PTPRD: variants seen among roughly 807,000 people sequenced by gnomAD.
The protein encoded by PTPRD is receptor-type tyrosine-protein phosphatase delta.
A neutral mutation model predicts 214.5 loss-of-function variants in PTPRD; 34 were observed. That is an observed-to-expected ratio of 0.16 (90% CI 0.12 to 0.21). The LOEUF (loss-of-function observed/expected upper bound fraction) is 0.21, where lower values mean the gene tolerates loss of function less well. Ranked by LOEUF, PTPRD falls within the 10% of genes least tolerant of loss-of-function variation. The pLI is 1.00. For synonymous variants in PTPRD, 1,128 were observed against 845.7 expected (o/e 1.33, Z -5.79); for missense variants, 2,545 against 2,398.7 (o/e 1.06, Z -1.27).
intron 2 of PTPRD, among the ~76,000 whole-genome samples, chr9:10,484,706 A>G (rs1279294442): frequency 6.6e-6 from 1 of 151,900 alleles, no homozygotes; most frequent in Non-Finnish European, 1.5e-5. Flanking sequence ...GCTCATTTTT[A>G]GTCAGATTAT....
intron 10 of PTPRD, among the ~76,000 whole-genome samples, chr9:9,065,058 A>G (rs1055637410): frequency 2.0e-5 from 3 of 152,296 alleles, no homozygotes; most frequent in African/African-American, 7.2e-5. Flanking sequence ...TATTTACATG[A>G]AATAGGCATT....
chr9:8,891,275 A>C (rs1409886683), intron 11 of PTPRD, among the ~76,000 whole-genome samples: 1 of 151,578 alleles, frequency 6.6e-6, no homozygotes, highest in African/African-American at 2.4e-5. Context: ...CTGGGACTAC[A>C]GGCACCCGCC....
intron 10 of PTPRD, among the ~76,000 whole-genome samples, chr9:9,098,281 TTTG>T (rs1170065977): frequency 2.0e-5 from 3 of 152,054 alleles, no homozygotes; most frequent in South Asian, 2.1e-4. Flanking sequence ...CAGTATCATT[TTTG>T]TTGTTGTTGT....
chr9:10,575,385 G>C (rs773253696), intron 2 of PTPRD, among the ~76,000 whole-genome samples: 1 of 152,024 alleles, frequency 6.6e-6, no homozygotes, highest in Non-Finnish European at 1.5e-5. Context: ...AAAAAATGAT[G>C]TGTTCTACCT....
chr9:9,848,143 T>C (rs1337433528), intron 5 of PTPRD, among the ~76,000 whole-genome samples: 1 of 152,124 alleles, frequency 6.6e-6, no homozygotes, highest in Non-Finnish European at 1.5e-5. Context: ...CTTCAGAGTT[T>C]TCTATTTTCT....
At chr9:9,092,800 A>C (rs1471626140) in intron 10 of PTPRD, among the ~76,000 whole-genome samples, 1 of 152,078 alleles carries the variant, frequency 6.6e-6, no homozygotes, top group Non-Finnish European at 1.5e-5. Context: ...GAAATTTAGA[A>C]AGACAAATAA....
chr9:9,640,585 T>C (rs1046192309), intron 7 of PTPRD, among the ~76,000 whole-genome samples: 1 of 152,194 alleles, frequency 6.6e-6, no homozygotes, highest in African/African-American at 2.4e-5. Flanking sequence ...TAAATATATG[T>C]TCACATAGAA....
intron 35 of PTPRD, among the ~76,000 whole-genome samples, chr9:8,421,942 G>T (rs1280086447): frequency 2.6e-5 from 4 of 151,512 alleles, no homozygotes; most frequent in Non-Finnish European, 4.4e-5. Context: ...GAGCCCAGTA[G>T]TTCGAGACCA....
intron 9 of PTPRD, among the ~76,000 whole-genome samples, chr9:9,397,113 C>A (rs968597404): frequency 6.6e-6 from 1 of 151,908 alleles, no homozygotes; most frequent in African/African-American, 2.4e-5. Context: ...GGGTATTCTG[C>A]TATCAATCTA....
chr9:10,531,942 T>A (rs954502474), intron 2 of PTPRD, among the ~76,000 whole-genome samples: 1 of 152,184 alleles, frequency 6.6e-6, no homozygotes, highest in African/African-American at 2.4e-5. Flanking sequence ...CACCAAGTGA[T>A]CAGAATTAAC....
intron 14 of PTPRD, among the ~76,000 whole-genome samples, chr9:8,603,382 A>G (rs1247067172): frequency 2.0e-5 from 3 of 152,208 alleles, no homozygotes; most frequent in African/African-American, 7.2e-5. Flanking sequence ...TCTTGGTGTG[A>G]GTAGAAAGGC....
intron 10 of PTPRD, among the ~76,000 whole-genome samples, chr9:9,092,302 C>T (rs573885678): frequency 4.0e-4 from 61 of 152,144 alleles, no homozygotes; most frequent in Non-Finnish European, 7.5e-4. Flanking sequence ...ATGACTGTAT[C>T]CTGGTACTGA....
chr9:10,107,131 C>T (rs2098641204), intron 3 of PTPRD, among the ~76,000 whole-genome samples: 1 of 151,848 alleles, frequency 6.6e-6, no homozygotes, highest in Non-Finnish European at 1.5e-5. Flanking sequence ...ATAAATTTAC[C>T]TTTGAAACAT....
At chr9:8,357,910 C>T (rs969506977) in intron 39 of PTPRD, among the ~76,000 whole-genome samples, 3 of 152,160 alleles carry the variant, frequency 2.0e-5, no homozygotes, top group African/African-American at 7.2e-5. Flanking sequence ...AAAATCTGGT[C>T]AATAGCCTAC....
At chr9:9,219,498 A>C (rs1425709346) in intron 9 of PTPRD, among the ~76,000 whole-genome samples, 1 of 152,128 alleles carries the variant, frequency 6.6e-6, no homozygotes, top group Non-Finnish European at 1.5e-5. Flanking sequence ...AATTCCTTAA[A>C]GTTTAAAGCA....
At chr9:8,811,410 A>G (rs1340863394) in intron 11 of PTPRD, among the ~76,000 whole-genome samples, 2 of 152,178 alleles carry the variant, frequency 1.3e-5, no homozygotes, top group East Asian at 3.9e-4. Flanking sequence ...GGAGTACAAT[A>G]AAAATCTGCC....
chr9:9,962,979 C>T (rs1009890669), intron 4 of PTPRD, among the ~76,000 whole-genome samples: 1 of 151,282 alleles, frequency 6.6e-6, no homozygotes, highest in African/African-American at 2.4e-5. Flanking sequence ...TATAGTAGTA[C>T]CATTATAGTA....
intron 36 of PTPRD, 59 bp from the exon 37 acceptor site, chr9:8,389,466 G>A (rs1327273392): frequency 7.5e-7 from 1 of 1,334,052 alleles, no homozygotes; most frequent in Non-Finnish European, 1.0e-6. Flanking sequence ...AAACAGCCTG[G>A]GACATGACCT....
intron 9 of PTPRD, among the ~76,000 whole-genome samples, chr9:9,396,883 G>T (rs565768509): frequency 5.3e-4 from 81 of 151,916 alleles, no homozygotes; most frequent in Non-Finnish European, 9.3e-4. Context: ...ACACAAATAT[G>T]TTGTGTTTAT....
Sources: gnomAD v4.1 joint callset for allele counts (sites outside exome capture counted in the v4.1 genomes callset) on GRCh38, gnomAD v4.1.1 for gene constraint, MANE v1.5 for transcripts, NCBI Gene and HGNC (gene_info 2026-07-23, HGNC 2026-07-21) for gene names.